RSF1: variants seen among roughly 807,000 people sequenced by gnomAD.
The protein encoded by RSF1 is remodeling and spacing factor 1.
RSF1 carries 13 observed loss-of-function variants against 145.2 expected under a neutral mutation model. That is an observed-to-expected ratio of 0.09 (90% CI 0.06 to 0.14). RSF1 has a LOEUF of 0.14. Among genes scored for constraint, RSF1 ranks in the 10% least tolerant of loss-of-function variants. The pLI is 1.00. For synonymous variants in RSF1, 577 were observed against 592.6 expected (o/e 0.97, Z 0.38); for missense variants, 1,517 against 1,718.2 (o/e 0.88, Z 2.07).
intron 1 of RSF1, among the ~76,000 whole-genome samples, chr11:77,771,681 A>T (rs533553034): frequency 1.3e-5 from 2 of 152,340 alleles, no homozygotes; most frequent in African/African-American, 4.8e-5. Context: ...CTGAAGAAAC[A>T]AAATTGTACT....
At chr11:77,670,256 C>T (rs973972671) in intron 15 of RSF1, among the ~76,000 whole-genome samples, 3 of 152,200 alleles carry the variant, frequency 2.0e-5, no homozygotes, top group Non-Finnish European at 4.4e-5. Flanking sequence ...CCTGCACTCC[C>T]TTCTGTTTGC....
intron 5 of RSF1, among the ~76,000 whole-genome samples, chr11:77,712,192 T>C (rs1960702689): frequency 6.6e-6 from 1 of 152,222 alleles, no homozygotes; most frequent in Non-Finnish European, 1.5e-5. Flanking sequence ...GATAACTGAA[T>C]CACGGGGGTG....
At chr11:77,697,756 G>T (rs1228881949) in intron 7 of RSF1, among the ~76,000 whole-genome samples, 1 of 151,612 alleles carries the variant, frequency 6.6e-6, no homozygotes, top group Non-Finnish European at 1.5e-5. Context: ...TAGGGTACAT[G>T]TGATGTTTTA....
chr11:77,831,075 G>A, the RSF1 span, among the ~76,000 whole-genome samples: 6 of 150,992 alleles, frequency 4.0e-5, no homozygotes, highest in African/African-American at 1.2e-4. Context: ...GGGAGAATTC[G>A]TCGAGGCTTC....
At chr11:77,811,192 G>C (rs977546968) in intron 1 of RSF1, among the ~76,000 whole-genome samples, 3 of 152,198 alleles carry the variant, frequency 2.0e-5, no homozygotes, top group Admixed American at 2.0e-4. Flanking sequence ...TATTTACAAA[G>C]ATAGAGAGGA....
chr11:77,712,092 A>G (rs938748719), intron 5 of RSF1, among the ~76,000 whole-genome samples: 3 of 152,220 alleles, frequency 2.0e-5, no homozygotes, highest in African/African-American at 7.2e-5. Context: ...ACATGATGTC[A>G]ATATACCTGA....
the RSF1 span, chr11:77,872,015 T>C: frequency 3.3e-4 from 193 of 593,492 alleles, no homozygotes; most frequent in African/African-American, 3.1e-3. Context: ...TTTTGACTCA[T>C]TGGGGCTCAC....
At chr11:77,712,202 G>T (rs187065649) in intron 5 of RSF1, among the ~76,000 whole-genome samples, 1 of 152,170 alleles carries the variant, frequency 6.6e-6, no homozygotes. Flanking sequence ...TCACGGGGGT[G>T]GTTCCCCCAT....
intron 7 of RSF1, among the ~76,000 whole-genome samples, chr11:77,697,161 G>A (rs1444996957): frequency 6.6e-6 from 1 of 152,028 alleles, no homozygotes; most frequent in Non-Finnish European, 1.5e-5. Context: ...AATTCATGCT[G>A]TCTGGCCCTA....
chr11:77,692,233 ATTTTTTTTTTTTT>A (rs71046904), intron 8 of RSF1, among the ~76,000 whole-genome samples: 8 of 49,472 alleles, frequency 1.6e-4, no homozygotes, highest in South Asian at 6.2e-4. Context: ...CTACTTTTAA[ATTTTTTTTTTTTT>A]TTTTTTTTTT....
At chr11:77,852,524 C>T in the RSF1 span, among the ~76,000 whole-genome samples, 1 of 152,064 alleles carries the variant, frequency 6.6e-6, no homozygotes, top group Non-Finnish European at 1.5e-5. Flanking sequence ...AGTCACCTCC[C>T]ATCAGGTCCC....
At chr11:77,815,224 G>C (rs1014988674) in intron 1 of RSF1, among the ~76,000 whole-genome samples, 4 of 152,246 alleles carry the variant, frequency 2.6e-5, no homozygotes, top group Non-Finnish European at 5.9e-5. Context: ...CTAACGTACA[G>C]ATATGACCAT....
At chr11:77,749,908 C>T (rs1212348607) in intron 2 of RSF1, among the ~76,000 whole-genome samples, 1 of 152,078 alleles carries the variant, frequency 6.6e-6, no homozygotes, top group Non-Finnish European at 1.5e-5. Flanking sequence ...ACCACCATGC[C>T]TGGCTAATTT....
intron 1 of RSF1, among the ~76,000 whole-genome samples, chr11:77,808,354 A>AAT (rs1948698398): frequency 4.9e-4 from 1 of 2,032 alleles, no homozygotes; most frequent in Non-Finnish European, 1.6e-3. Flanking sequence ...AACAAACAAA[A>AAT]ACACAACAAC....
chr11:77,768,086 AAG>A (rs1470460091), intron 1 of RSF1, among the ~76,000 whole-genome samples: 1 of 152,060 alleles, frequency 6.6e-6, no homozygotes. Context: ...AAAAAGTAAA[AAG>A]AGGTTAAAAT....
At chr11:77,824,127 A>G (rs144372607), upstream of RSF1, among the ~76,000 whole-genome samples, 1 of 152,344 alleles carries the variant, frequency 6.6e-6, no homozygotes, top group East Asian at 1.9e-4. Flanking sequence ...TTCCTTCACT[A>G]AAGTCTGTTC....
chr11:77,822,886 G>A (rs143098249), upstream of RSF1, among the ~76,000 whole-genome samples: 447 of 152,304 alleles, frequency 2.9e-3, 2 homozygotes, highest in African/African-American at 0.01. Context: ...CATATTTTAT[G>A]TTACATGTAT....
rs750420215 is a variant in RSF1, at chr11:77,667,407, T to C, written c.3836A>G (p.Asp1279Gly). Residue 1279 changes from aspartate to glycine, a missense_variant, in exon 16 of 16, where the codon GAC becomes GGC. Transcript: ENST00000308488. ...CTCCTCATCTGCTTCTGAATACTCG[T>C]CTGTGCTTCGGCCCCGCTTTCGAAC... ...RSVRKRGRST[D>G]EYSEADEEEE... 1.1e-5 allele frequency: 18 copies of C among 1,613,940 alleles called. No homozygotes were observed. The South Asian group carries it at 1.9e-4, about 17-fold the overall frequency.
At chr11:77,718,986 C>G (rs1458990681) in intron 5 of RSF1, among the ~76,000 whole-genome samples, 1 of 152,108 alleles carries the variant, frequency 6.6e-6, no homozygotes, top group Admixed American at 6.5e-5. Context: ...CAGTGGCTCA[C>G]GCCTATAATC....
Sources: allele counts gnomAD v4.1 joint callset (sites outside exome capture counted in the v4.1 genomes callset), GRCh38; gene constraint gnomAD v4.1.1; transcripts MANE v1.5; gene names NCBI Gene and HGNC (gene_info 2026-07-23, HGNC 2026-07-21).